SART1: variants seen among roughly 807,000 people sequenced by gnomAD.
The protein encoded by SART1 is U4/U6.U5 tri-snRNP-associated protein 1.
In SART1, 28 loss-of-function variants were observed where a neutral mutation model predicts 105.0. The ratio of observed to expected loss-of-function variants is 0.27; its 90% CI spans 0.20 to 0.37. SART1 has a LOEUF of 0.37. Among genes scored for constraint, SART1 ranks in the 10% least tolerant of loss-of-function variants. The probability of loss-of-function intolerance (pLI) is 1.00; values close to 1 mark genes in which losing one functional copy is unlikely to be tolerated. For missense variants in SART1, 894 were observed against 1,106.5 expected (o/e 0.81, Z 2.72); for synonymous variants, 472 against 462.9 (o/e 1.02, Z -0.25).
In SART1 at chr11:65,967,663, C is replaced by T. The variant is rs1205625732; in HGVS notation, c.1430-16C>T. The T allele has an allele frequency of 6.3e-6, 10 of 1,580,626 alleles. No individual in the cohort carries two copies. Among genetic ancestry groups the T allele is most frequent in the African/African-American group, 1.3e-5 (1 of 74,608 alleles). On this transcript the variant is annotated splice_polypyrimidine_tract_variant and intron_variant, in intron 11 of 19. Transcript: ENST00000312397. ...GAGGAGATGGTCTGAGCAGGCATCCCCTGTGTTTCCCCCAGAGGAAGGTGG... is the reference window on the plus strand; with the variant it reads ...GAGGAGATGGTCTGAGCAGGCATCCTCTGTGTTTCCCCCAGAGGAAGGTGG...
Position 65,978,302 on chromosome 11 carries a change from C to T in SART1, c.2173-298C>T, listed in dbSNP as rs1366914204. ...CCCCCTTGCTCTCTGGGGTTTGTCT[C>T]CCTGCAGCCCCAGCCCCAGCCCCAG... On this transcript the variant is annotated intron_variant, in intron 17 of 19. Coordinates refer to ENST00000312397, the MANE Select transcript of SART1 (RefSeq NM_005146.5). This position sits in a 1 kb window ranked among gnomAD's most constrained non-coding sequence, Gnocchi z 6.8. 3 of 516,454 alleles carry T rather than the reference C, an allele frequency of 5.8e-6. No homozygotes were observed. Among genetic ancestry groups the T allele is most frequent in the East Asian group, 3.9e-5 (1 of 25,738 alleles). The allele number at this position is 516,454 out of a possible 1,614,324, so 32.0% of individuals were successfully genotyped here.
chr11:65,978,782 C>A lies in SART1; in HGVS notation c.2263-11C>A, dbSNP rs201965311. 12 of 1,613,784 alleles carry A rather than the reference C, an allele frequency of 7.4e-6. No homozygotes were observed. Among genetic ancestry groups the A allele is most frequent in the Non-Finnish European group, 1.0e-5 (12 of 1,179,928 alleles). On this transcript the variant is annotated splice_polypyrimidine_tract_variant and intron_variant, in intron 18 of 19. Transcript: ENST00000312397. The surrounding 1 kb of genome is among the most constrained non-coding windows in gnomAD (Gnocchi z 6.8). ...TGCTGCAGCCCTTTCTGAGTGGCCC[C>A]GACCCCTCAGCTCCTGAAGAAGATG...
At chr11:65,971,765 CCT>C (rs764853353) in intron 12 of SART1, among the ~76,000 whole-genome samples, 28 of 152,088 alleles carry the variant, frequency 1.8e-4, no homozygotes, top group Non-Finnish European at 2.5e-4. Flanking sequence ...TTGATTTCCC[CCT>C]GAGTCTAAAC....
In SART1 at chr11:65,961,955, C is replaced by A; in HGVS notation, c.175C>A (p.Arg59Ser). ...CGAACGACGGAAGCGGAGCCGGGAA[C>A]GTGGGGGCGAGCGCGGGAGCGGGCG... Reference protein sequence around the residue: ...GGERRKRSRERGGERGSGRRG... With the variant: ...GGERRKRSRESGGERGSGRRG... The change falls in exon 1 of 20, where the codon CGT becomes AGT. Residue 59 changes from arginine (R) to serine (S), a missense_variant. Transcript: ENST00000312397. The A allele has an allele frequency of 6.6e-7, 1 of 1,515,286 alleles. No individual in the cohort carries two copies. The highest frequency in any genetic ancestry group is 8.8e-7 in the Non-Finnish European group (1 of 1,131,940). The allele number at this position is 1,515,286 out of a possible 1,614,324, so 93.9% of individuals were successfully genotyped here. A position where few individuals can be genotyped will look rare whatever the true frequency, so the allele number is the denominator to read the frequency against.
rs1284360879 is a variant in SART1 at position 65,965,226 on chromosome 11, G to T, written c.554+8G>T. ...GCTGAACCAAAAGCTGGGGTGAGGGGTCCTGGCCAGGGCAGGCAAGGGAAG... is the reference window on the plus strand; with the variant it reads ...GCTGAACCAAAAGCTGGGGTGAGGGTTCCTGGCCAGGGCAGGCAAGGGAAG... On this transcript the variant is annotated splice_region_variant and intron_variant, in intron 4 of 19. Coordinates refer to ENST00000312397, the MANE Select transcript of SART1 (RefSeq NM_005146.5). The T allele has an allele frequency of 4.4e-6, 7 of 1,608,400 alleles. No homozygotes were observed. In the South Asian group the frequency reaches 7.7e-5, roughly 18 times the overall value.
chr11:65,965,317 G>A (rs751288078), intron 4 of SART1, 25 bp from the exon 5 acceptor site: 2 of 1,596,106 alleles, frequency 1.3e-6, no homozygotes, highest in Non-Finnish European at 1.7e-6. Flanking sequence ...TGGGCTCCTT[G>A]AGCATCACTT....
rs768317954 is a variant in SART1 at position 65,965,657 on chromosome 11, T to C, written c.661-45T>C. 13 of 1,581,420 alleles carry C rather than the reference T, an allele frequency of 8.2e-6. 1 individual carries two copies. The South Asian group carries it at 1.5e-4, about 18-fold the overall frequency. Reference sequence around the variant, plus strand: ...TAGAGCCCTGAGTGTTTTCTGGTGATGCTGAGTGGCCTGAAGTCCTAGGTC... The same window carrying C: ...TAGAGCCCTGAGTGTTTTCTGGTGACGCTGAGTGGCCTGAAGTCCTAGGTC... On this transcript the variant is annotated intron_variant, in intron 5 of 19. Transcript: ENST00000312397.
chr11:65,965,218 G>A lies in SART1; in HGVS notation c.554G>A (p.Gly185Glu). Reference protein sequence around the residue: ...KEKRLLNQKLGKIKTLGEDDP... With the variant: ...KEKRLLNQKLEKIKTLGEDDP... Reference sequence around the variant, plus strand: ...AAGCGCCTGCTGAACCAAAAGCTGGGGTGAGGGGTCCTGGCCAGGGCAGGC... The same window carrying A: ...AAGCGCCTGCTGAACCAAAAGCTGGAGTGAGGGGTCCTGGCCAGGGCAGGC... Residue 185 changes from glycine to glutamate, a missense_variant and splice_region_variant, in exon 4 of 20, where the codon GGG (glycine) becomes GAG (glutamate). Physicochemically the swap from Gly to Glu is moderately conservative, Grantham distance 98. This residue lies in a region of SART1 where 712 missense variants were observed against 778.2 expected (regional missense o/e 0.91). Transcript: ENST00000312397. 6.2e-7 allele frequency: 1 copy of A among 1,606,600 alleles called. No homozygotes were observed. Among genetic ancestry groups the A allele is most frequent in the South Asian group, 1.1e-5 (1 of 90,634 alleles).
intron 9 of SART1, among the ~76,000 whole-genome samples, chr11:65,966,895 G>A (rs988053619): frequency 3.9e-5 from 6 of 152,144 alleles, no homozygotes; most frequent in African/African-American, 1.4e-4. Flanking sequence ...CGTGGGTGAG[G>A]GGTGACTGGA....
chr11:65,975,771 G>T (rs1855468428), intron 12 of SART1, among the ~76,000 whole-genome samples: 1 of 152,112 alleles, frequency 6.6e-6, no homozygotes, highest in East Asian at 1.9e-4. Flanking sequence ...TGGGCTGCAG[G>T]GTTGAGGGAG....
rs371539247 is a variant in SART1 at position 65,978,926 on chromosome 11, G to A, written c.2384+12G>A. ...AAGAGCATGAACGCGTGAGTGGCTCGAGGCTGGTGGGGTAGGGTGTGGTGG... is the reference window on the plus strand; with the variant it reads ...AAGAGCATGAACGCGTGAGTGGCTCAAGGCTGGTGGGGTAGGGTGTGGTGG... On this transcript the variant is annotated intron_variant, in intron 19 of 19. Transcript: ENST00000312397. The surrounding 1 kb of genome is among the most constrained non-coding windows in gnomAD (Gnocchi z 6.8). 24 of 1,613,348 alleles carry A rather than the reference G, an allele frequency of 1.5e-5. No homozygotes were observed. The highest frequency in any genetic ancestry group is 6.7e-5 in the Admixed American group (4 of 59,992).
chr11:65,967,847 C>T, intron 12 of SART1, 26 bp downstream of exon 12: 1 of 1,479,598 alleles, frequency 6.8e-7, no homozygotes, highest in Non-Finnish European at 9.0e-7. Flanking sequence ...GGCAGGGTGA[C>T]TGCGTCAGCA....
Position 65,967,743 on chromosome 11 carries a change from G to C in SART1, c.1494G>C (p.Glu498Asp), listed in dbSNP as rs534008759. 48 of 1,553,600 alleles carry C rather than the reference G, an allele frequency of 3.1e-5. No homozygotes were observed. The South Asian group carries it at 4.3e-4, about 14-fold the overall frequency. Residue 498 changes from glutamate to aspartate, a missense_variant, in exon 12 of 20, where the codon GAG becomes GAC. Physicochemically the swap from Glu to Asp is conservative, Grantham distance 45. This residue lies in a region of SART1 where 712 missense variants were observed against 778.2 expected (regional missense o/e 0.91). Transcript: ENST00000312397. The part of the protein sequence containing the change: ...QVLEEDEAEL[E>D]LQKQLEKGRR... ...TGGAGGAGGACGAGGCGGAGCTGGA[G>C]CTGCAGAAGCAGCTGGAGAAGGGAC...
chr11:65,970,576 G>A (rs893522228), intron 12 of SART1, among the ~76,000 whole-genome samples: 1 of 151,780 alleles, frequency 6.6e-6, no homozygotes, highest in Non-Finnish European at 1.5e-5. Flanking sequence ...AGCTGTGGGT[G>A]ACCTTGTTTA....
At position 65,978,862 on chromosome 11, in the gene SART1, G is replaced by T; in HGVS notation, c.2332G>T (p.Ala778Ser). The change falls in exon 19 of 20, where the codon GCT (alanine) becomes TCT (serine). Residue 778 changes from alanine to serine, a missense_variant. Around this residue, in one of 2 missense-constraint regions of SART1, gnomAD observed 182 missense variants for 328.3 expected, o/e 0.55. Coordinates refer to ENST00000312397, the MANE Select transcript of SART1 (RefSeq NM_005146.5). This position sits in a 1 kb window ranked among gnomAD's most constrained non-coding sequence, Gnocchi z 6.8. Reference protein sequence around the residue: ...TVALLQEKQKAQKTPYIVLSG... With the variant: ...TVALLQEKQKSQKTPYIVLSG... ...GGCCCTGCTCCAGGAGAAGCAGAAG[G>T]CTCAGAAGACCCCCTACATCGTGCT... 1 of 1,614,044 alleles carries T rather than the reference G, an allele frequency of 6.2e-7. No individual in the cohort carries two copies. Among genetic ancestry groups the T allele is most frequent in the Non-Finnish European group, 8.5e-7 (1 of 1,179,990 alleles).
intron 12 of SART1, among the ~76,000 whole-genome samples, chr11:65,974,402 C>T (rs547163677): frequency 1.1e-3 from 161 of 141,566 alleles, no homozygotes; most frequent in African/African-American, 3.7e-3. Flanking sequence ...CCATATCAGC[C>T]GGGTGTGGTG....
rs1855258538 is a variant in SART1 at position 65,966,411 on chromosome 11, C to G, written c.1043C>G (p.Ser348Cys). Residue 348 changes from serine to cysteine, a missense_variant, in exon 9 of 20, where the codon TCC becomes TGC. Ser to Cys is a moderately radical substitution (Grantham distance 112). Transcript: ENST00000312397. ...GAGCTTGAAGGGGAGCGGCCACATT[C>G]CTTCCGCTTGGAGCAGGGCGGCACG... ...DEELEGERPH[S>C]FRLEQGGTAD... 2 of 1,613,922 alleles carry G rather than the reference C, an allele frequency of 1.2e-6. No homozygotes were observed. Among genetic ancestry groups the G allele is most frequent in the Non-Finnish European group, 1.7e-6 (2 of 1,180,032 alleles).
chr11:65,965,920 A>T lies in SART1; in HGVS notation c.772A>T (p.Thr258Ser). The T allele has an allele frequency of 6.2e-7, 1 of 1,614,070 alleles. No individual in the cohort carries two copies. ...CAGTGCCCGGGACCTGCAGGGCCTC[A>T]CCGTGGAGCATGCCATTGATTCCTT... ...LYSARDLQGL[T>S]VEHAIDSFRE... The change falls in exon 7 of 20, where the codon ACC (threonine) becomes TCC (serine). Residue 258 changes from threonine to serine, a missense_variant. Transcript: ENST00000312397.
chr11:65,978,484 C>A lies in SART1; in HGVS notation c.2173-116C>A. 1 of 992,742 alleles carries A rather than the reference C, an allele frequency of 1.0e-6. No individual in the cohort carries two copies. Among genetic ancestry groups the A allele is most frequent in the Non-Finnish European group, 1.5e-6 (1 of 651,856 alleles). 61.5% of individuals were successfully genotyped at this position (992,742 alleles called of 1,614,324 possible). A position where few individuals can be genotyped will look rare whatever the true frequency, so the allele number is the denominator to read the frequency against. ...TTTCCCATCCCCTTCCCACTGCACC[C>A]CAGGCCTGGCATTGGGGTCAATCAA... On this transcript the variant is annotated intron_variant, in intron 17 of 19. Transcript: ENST00000312397. This position sits in a 1 kb window ranked among gnomAD's most constrained non-coding sequence, Gnocchi z 6.8.
Sources: gnomAD v4.1 joint callset for allele counts (sites outside exome capture counted in the v4.1 genomes callset) on GRCh38, gnomAD v4.1.1 for gene constraint, gnomAD v4.1.1 regional missense constraint, Gnocchi (gnomAD v3.1) non-coding constraint, MANE v1.5 for transcripts, NCBI Gene and HGNC (gene_info 2026-07-23, HGNC 2026-07-21) for gene names.